Variants in SLC9A9 observed in about 807,000 individuals in gnomAD.
SLC9A9 encodes sodium/hydrogen exchanger 9.
Under a neutral mutation model 77.8 loss-of-function variants are expected in SLC9A9, and 62 were observed. That is an observed-to-expected ratio of 0.80 (90% CI 0.65 to 0.98). SLC9A9 has a LOEUF of 0.98. Among genes scored for constraint, SLC9A9 ranks in the 50% least tolerant of loss-of-function variants. The probability of loss-of-function intolerance (pLI) is 0.00; values close to 1 mark genes in which losing one functional copy is unlikely to be tolerated. For synonymous variants in SLC9A9, 320 were observed against 283.5 expected (o/e 1.13, Z -1.29); for missense variants, 775 against 774.9 (o/e 1.00, Z 0.00).
intron 14 of SLC9A9, among the ~76,000 whole-genome samples, chr3:143,271,615 A>T (rs1937902206): frequency 6.6e-6 from 1 of 152,258 alleles, no homozygotes; most frequent in South Asian, 2.1e-4. Context: ...AGATTCATGG[A>T]CTACTAAGTG....
intron 2 of SLC9A9, among the ~76,000 whole-genome samples, chr3:143,798,257 C>T (rs754081303): frequency 1.2e-4 from 18 of 152,162 alleles, no homozygotes; most frequent in African/African-American, 2.9e-4. Context: ...CCCAAAACTC[C>T]GGCGCCAGTC....
chr3:143,301,289 A>G (rs2030503877), intron 14 of SLC9A9, among the ~76,000 whole-genome samples: 1 of 152,216 alleles, frequency 6.6e-6, no homozygotes, highest in Non-Finnish European at 1.5e-5. Context: ...TATTCAAACT[A>G]TAGTCTTCTA....
intron 12 of SLC9A9, among the ~76,000 whole-genome samples, chr3:143,429,026 G>A (rs986947926): frequency 2.0e-5 from 3 of 152,120 alleles, no homozygotes; most frequent in Non-Finnish European, 4.4e-5. Context: ...AAGGTGAAGT[G>A]TACATTTCAT....
chr3:143,390,888 C>A (rs1433361041), intron 12 of SLC9A9, among the ~76,000 whole-genome samples: 2 of 152,210 alleles, frequency 1.3e-5, no homozygotes, highest in Admixed American at 1.3e-4. Context: ...TGCAAGGCAG[C>A]AGCAAGGCTG....
intron 6 of SLC9A9, among the ~76,000 whole-genome samples, chr3:143,618,883 G>T (rs1305287123): frequency 6.6e-6 from 1 of 152,156 alleles, no homozygotes; most frequent in African/African-American, 2.4e-5. Flanking sequence ...AGACTCAGAG[G>T]GTTTAGACCA....
chr3:143,614,816 A>C (rs972813112), intron 6 of SLC9A9, among the ~76,000 whole-genome samples: 1 of 152,230 alleles, frequency 6.6e-6, no homozygotes, highest in Admixed American at 6.5e-5. Context: ...TAAGCTTTTC[A>C]AAAGATAGCC....
chr3:143,505,245 A>G (rs996578844), intron 9 of SLC9A9, among the ~76,000 whole-genome samples: 3 of 152,070 alleles, frequency 2.0e-5, no homozygotes, highest in African/African-American at 7.2e-5. Flanking sequence ...AAAAAGCAAA[A>G]CCAAAGCTCT....
Position 143,309,822 on chromosome 3 carries a change from C to T in SLC9A9, c.1605-40842G>A, listed in dbSNP as rs182887236. ...TCTCCATGGGGCATCTGGTTATGTG[C>T]CTGGTGGTTGGAAATTTTGAGCTTT... On this transcript the variant is annotated intron_variant, in intron 14 of 15. Coordinates refer to ENST00000316549, the MANE Select transcript of SLC9A9 (RefSeq NM_173653.4). Among the ~76,000 whole-genome samples the T allele has an allele frequency of 3.3e-5, 5 of 152,116 alleles. No homozygotes were observed. The East Asian group carries it at 9.7e-4, about 29-fold the overall frequency.
At chr3:143,500,106 G>T (rs1336463850) in intron 9 of SLC9A9, among the ~76,000 whole-genome samples, 2 of 151,934 alleles carry the variant, frequency 1.3e-5, no homozygotes, top group Non-Finnish European at 2.9e-5. Context: ...AAAATTCTAG[G>T]CTTGGATTTT....
At chr3:143,606,805 T>C (rs2037936456) in intron 6 of SLC9A9, among the ~76,000 whole-genome samples, 1 of 151,854 alleles carries the variant, frequency 6.6e-6, no homozygotes, top group South Asian at 2.1e-4. Context: ...AAAAGAATGT[T>C]AATGGGCATG....
chr3:143,658,500 A>T (rs2038931030), intron 5 of SLC9A9, among the ~76,000 whole-genome samples: 1 of 152,216 alleles, frequency 6.6e-6, no homozygotes. Flanking sequence ...CTTTTAAATG[A>T]GGAAAATTAT....
chr3:143,663,474 T>C (rs766978439), intron 5 of SLC9A9, among the ~76,000 whole-genome samples: 2 of 152,006 alleles, frequency 1.3e-5, no homozygotes, highest in Admixed American at 1.3e-4. Flanking sequence ...ATTCGACGAG[T>C]TGATAGAAGT....
intron 5 of SLC9A9, among the ~76,000 whole-genome samples, chr3:143,681,407 AG>A (rs1933088116): frequency 6.6e-6 from 1 of 152,134 alleles, no homozygotes; most frequent in Non-Finnish European, 1.5e-5. Context: ...TCGATGTAAC[AG>A]GTTATGTTAA....
At chr3:143,692,635 C>T (rs1432076090) in intron 5 of SLC9A9, among the ~76,000 whole-genome samples, 8 of 152,088 alleles carry the variant, frequency 5.3e-5, no homozygotes, top group Non-Finnish European at 7.4e-5. Context: ...TAATTTAATA[C>T]ATCATTCTCA....
At chr3:143,282,805 T>A (rs1379112340) in intron 14 of SLC9A9, among the ~76,000 whole-genome samples, 2 of 152,230 alleles carry the variant, frequency 1.3e-5, no homozygotes, top group African/African-American at 4.8e-5. Flanking sequence ...CTTCTTTTAG[T>A]GAGATTAAAC....
At chr3:143,629,108 T>G (rs1221958588) in intron 6 of SLC9A9, among the ~76,000 whole-genome samples, 1 of 152,192 alleles carries the variant, frequency 6.6e-6, no homozygotes, top group Non-Finnish European at 1.5e-5. Flanking sequence ...CATCAAGAGA[T>G]AAGGTAATGT....
At chr3:143,466,999 C>A (rs200230571) in intron 12 of SLC9A9, 38 bp downstream of exon 12, 23 of 1,605,378 alleles carry the variant, frequency 1.4e-5, no homozygotes, top group Non-Finnish European at 1.8e-5. Flanking sequence ...CGCAGCCATG[C>A]CTCATAATGA....
At chr3:143,513,334 A>G (rs1453317547) in intron 9 of SLC9A9, among the ~76,000 whole-genome samples, 1 of 152,212 alleles carries the variant, frequency 6.6e-6, no homozygotes, top group African/African-American at 2.4e-5. Context: ...CATCTCAAGA[A>G]GCCACTTTCG....
intron 14 of SLC9A9, among the ~76,000 whole-genome samples, chr3:143,323,414 G>T (rs1233596687): frequency 1.3e-5 from 2 of 152,172 alleles, no homozygotes; most frequent in Non-Finnish European, 2.9e-5. Context: ...CATGTCATTT[G>T]CAGCAACATG....
Sources: gnomAD v4.1 joint callset for allele counts (sites outside exome capture counted in the v4.1 genomes callset) on GRCh38, gnomAD v4.1.1 for gene constraint, MANE v1.5 for transcripts, NCBI Gene and HGNC (gene_info 2026-07-23, HGNC 2026-07-21) for gene names.